Variants in SLC35F5 observed in about 807,000 individuals in gnomAD.
SLC35F5 encodes the protein solute carrier family 35 member F5, also known as HCV NS5A-transactivated protein 3.
In SLC35F5, 54 loss-of-function variants were observed where a neutral mutation model predicts 68.6. The observed-to-expected ratio is 0.79, with a 90% CI of 0.63 to 0.99. The LOEUF is 0.99. Ranked by LOEUF, SLC35F5 falls within the 50% of genes least tolerant of loss-of-function variation. SLC35F5 has a pLI of 0.00. For synonymous variants in SLC35F5, 211 were observed against 205.2 expected (o/e 1.03, Z -0.24); for missense variants, 567 against 626.9 (o/e 0.90, Z 1.02).
chr2:113,755,058 G>T, intron 3 of SLC35F5, 107 bp downstream of exon 3: 1 of 1,138,224 alleles, frequency 8.8e-7, no homozygotes, highest in Non-Finnish European at 1.2e-6. Flanking sequence ...TAGTATTTAA[G>T]ATACTGCTTT....
chr2:113,755,075 G>T, intron 3 of SLC35F5, 90 bp downstream of exon 3: 1 of 1,309,518 alleles, frequency 7.6e-7, no homozygotes. Context: ...CTTTTAGAAA[G>T]CAGGAGATTG....
At position 113,756,410 on chromosome 2, in the gene SLC35F5, G is replaced by A. The variant is rs1004164518; in HGVS notation, c.-1C>T. ...CGCGATGGCGTCGTGGCGGCACCAT[G>A]AGCGGACCGGTCAGGCCCCGCAGCC... On this transcript the variant is annotated 5_prime_UTR_variant, in exon 1 of 16. Coordinates refer to ENST00000245680, the MANE Select transcript of SLC35F5 (RefSeq NM_025181.5). The A allele has an allele frequency of 1.9e-6, 3 of 1,556,212 alleles. No individual in the cohort carries two copies. The highest frequency in any genetic ancestry group is 2.6e-6 in the Non-Finnish European group (3 of 1,152,286).
At chr2:113,745,742 T>C (rs1050364186) in intron 5 of SLC35F5, among the ~76,000 whole-genome samples, 32 of 152,276 alleles carry the variant, frequency 2.1e-4, no homozygotes, top group African/African-American at 7.7e-4. Flanking sequence ...GATTTTTATA[T>C]ACTACCTCTC....
chr2:113,730,030 G>A (rs1463966475), intron 10 of SLC35F5, among the ~76,000 whole-genome samples: 3 of 152,050 alleles, frequency 2.0e-5, no homozygotes, highest in African/African-American at 4.8e-5. Flanking sequence ...CTTTCTAATC[G>A]GCTGTATTTC....
chr2:113,755,103 A>T, intron 3 of SLC35F5, 62 bp downstream of exon 3: 1 of 1,512,928 alleles, frequency 6.6e-7, no homozygotes, highest in Non-Finnish European at 9.0e-7. Flanking sequence ...TAGAGTTACT[A>T]CAGGTTAAGA....
chr2:113,743,788 G>T lies in SLC35F5; in HGVS notation c.487C>A (p.Pro163Thr), dbSNP rs764255442. ...TGGAATTTCACAGGCACATACAGAG[G>T]TTCACTCTGGAATGTAACAGAAAAA... ...DTTMNSSLSE[P>T]LYVPVKFHDL... is the part of the protein sequence containing the mutation. The change falls in exon 6 of 16, where the codon CCT (proline) becomes ACT (threonine). Residue 163 changes from proline to threonine, a missense_variant. By Grantham distance (38) the Pro-to-Thr change is conservative. Coordinates refer to ENST00000245680, the MANE Select transcript of SLC35F5 (RefSeq NM_025181.5). 4.4e-6 allele frequency: 7 copies of T among 1,601,920 alleles called. No individual in the cohort carries two copies. The highest frequency in any genetic ancestry group is 6.0e-6 in the Non-Finnish European group (7 of 1,173,428).
chr2:113,731,789 C>T, intron 9 of SLC35F5, 141 bp from the exon 10 acceptor site: 1 of 615,836 alleles, frequency 1.6e-6, no homozygotes, highest in African/African-American at 1.8e-5. Flanking sequence ...TCAATAATAA[C>T]ATCTAACAAC....
chr2:113,727,560 C>T (rs549535673), intron 11 of SLC35F5, among the ~76,000 whole-genome samples: 1 of 152,252 alleles, frequency 6.6e-6, no homozygotes, highest in South Asian at 2.1e-4. Context: ...AATGACCCCA[C>T]CTATTCCCTC....
chr2:113,756,596 G>A lies in SLC35F5; in HGVS notation c.-187C>T. 2 of 1,404,966 alleles carry A rather than the reference G, an allele frequency of 1.4e-6. No individual in the cohort carries two copies. Among genetic ancestry groups the A allele is most frequent in the Admixed American group, 2.8e-5 (1 of 35,774 alleles). 87.0% of individuals were successfully genotyped at this position (1,404,966 alleles called of 1,614,324 possible). On this transcript the variant is annotated 5_prime_UTR_variant, in exon 1 of 16. Coordinates refer to ENST00000245680, the MANE Select transcript of SLC35F5 (RefSeq NM_025181.5). ...CCCAGGAGGGCGTGGAGCGGGTGAG[G>A]GGAAGGGACGGCACAGTCAGCTATG...
chr2:113,753,144 A>T lies in SLC35F5; in HGVS notation c.273+2021T>A, dbSNP rs556244520. 2.1e-4 allele frequency among the ~76,000 whole-genome samples: 26 copies of T among 125,730 alleles called. No individual in the cohort carries two copies. The South Asian group carries it at 6.5e-3, about 31-fold the overall frequency. 82.5% of individuals were successfully genotyped at this position (125,730 alleles called of 152,430 possible). ...GACTGATTTTCTTTTTGAAATACACACTTTATCTCCAAAGTTTGTTTTTCT... is the reference window on the plus strand; with the variant it reads ...GACTGATTTTCTTTTTGAAATACACTCTTTATCTCCAAAGTTTGTTTTTCT... On this transcript the variant is annotated intron_variant, in intron 3 of 15. Coordinates refer to ENST00000245680, the MANE Select transcript of SLC35F5 (RefSeq NM_025181.5).
chr2:113,755,873 C>A (rs1676963577), intron 1 of SLC35F5: 6 of 1,550,524 alleles, frequency 3.9e-6, no homozygotes, highest in African/African-American at 1.4e-5. Context: ...CCAGAGGAAT[C>A]CATCCCTGGG....
chr2:113,716,894 C>A (rs1296673426), intron 15 of SLC35F5, among the ~76,000 whole-genome samples: 1 of 152,020 alleles, frequency 6.6e-6, no homozygotes, highest in Non-Finnish European at 1.5e-5. Context: ...GCAAGTTTAC[C>A]AGGAGGATAA....
chr2:113,739,807 C>G (rs559440266), intron 7 of SLC35F5, among the ~76,000 whole-genome samples: 4 of 152,222 alleles, frequency 2.6e-5, no homozygotes, highest in Admixed American at 2.6e-4. Flanking sequence ...CAAAACGTAA[C>G]TACTGATAGA....
At chr2:113,749,168 G>A (rs1402656331) in intron 4 of SLC35F5, among the ~76,000 whole-genome samples, 1 of 152,220 alleles carries the variant, frequency 6.6e-6, no homozygotes, top group African/African-American at 2.4e-5. Context: ...TGGGATTACA[G>A]GCATGAGCCA....
Position 113,708,601 on chromosome 2 carries a change from G to A in SLC35F5, c.*6617C>T, listed in dbSNP as rs953781910. On this transcript the variant is annotated 3_prime_UTR_variant, in exon 16 of 16. Transcript: ENST00000245680. Reference sequence around the variant, plus strand: ...CATGTCTGTAATCCCAGCTATTCGGGAGGCTGAGGCAGGAGAATCACTTGA... The same window carrying A: ...CATGTCTGTAATCCCAGCTATTCGGAAGGCTGAGGCAGGAGAATCACTTGA... Among the ~76,000 whole-genome samples the A allele has an allele frequency of 6.6e-6, 1 of 152,130 alleles. No homozygotes were observed. Among genetic ancestry groups the A allele is most frequent in the African/African-American group, 2.4e-5 (1 of 41,426 alleles).
chr2:113,710,655 A>T lies in SLC35F5; in HGVS notation c.*4563T>A, dbSNP rs1289720330. Among the ~76,000 whole-genome samples, 2 of 152,158 alleles carry T rather than the reference A, an allele frequency of 1.3e-5. 1 individual carries two copies. Among genetic ancestry groups the T allele is most frequent in the Admixed American group, 1.3e-4 (2 of 15,274 alleles). Reference sequence around the variant, plus strand: ...ATCAGGAATGGGGGCACATGCCAGTAGTCCCAACTACTCAGGAGACTGAGG... The same window carrying T: ...ATCAGGAATGGGGGCACATGCCAGTTGTCCCAACTACTCAGGAGACTGAGG... On this transcript the variant is annotated 3_prime_UTR_variant, in exon 16 of 16. Coordinates refer to ENST00000245680, the MANE Select transcript of SLC35F5 (RefSeq NM_025181.5).
At chr2:113,704,550 G>A (rs529712332), downstream of SLC35F5, among the ~76,000 whole-genome samples, 129 of 152,252 alleles carry the variant, frequency 8.5e-4, no homozygotes, top group African/African-American at 2.9e-3. Context: ...GCCCTGCCCC[G>A]CGGGGAGGCA....
In SLC35F5 at chr2:113,729,592, CAAG is replaced by C. The variant is rs1201611149; in HGVS notation, c.986-90_986-88del. ...TCCAATAATGTGTCAGATAATATTG[CAAG>C]AATATACAAAAGTGAAAAGATATAT... On this transcript the variant is annotated intron_variant, in intron 10 of 15. Transcript: ENST00000245680. 4 of 700,674 alleles carry C rather than the reference CAAG, an allele frequency of 5.7e-6. No homozygotes were observed. The African/African-American group carries it at 7.5e-5, about 13-fold the overall frequency. The allele number at this position is 700,674 out of a possible 1,614,324, so 43.4% of individuals were successfully genotyped here.
chr2:113,743,639 A>G, intron 6 of SLC35F5, 74 bp downstream of exon 6: 1 of 1,194,702 alleles, frequency 8.4e-7, no homozygotes, highest in Non-Finnish European at 1.2e-6. Flanking sequence ...GTTTCAGTCA[A>G]CCCACATCAT....
Sources: gnomAD v4.1 joint callset for allele counts (sites outside exome capture counted in the v4.1 genomes callset) on GRCh38, gnomAD v4.1.1 for gene constraint, MANE v1.5 for transcripts, NCBI Gene and HGNC (gene_info 2026-07-23, HGNC 2026-07-21) for gene names.